The following RANBP17 variants were observed in gnomAD, a reference collection of about 807,000 sequenced individuals.
RANBP17 encodes RAN binding protein 17.
A neutral mutation model predicts 141.2 loss-of-function variants in RANBP17; 158 were observed. The observed-to-expected ratio is 1.12, with a 90% CI of 0.98 to 1.28. The LOEUF is 1.28. Ranked by LOEUF, RANBP17 falls within the 50% of genes most tolerant of loss-of-function variation. The probability of loss-of-function intolerance (pLI) is 0.00; values close to 1 mark genes in which losing one functional copy is unlikely to be tolerated. For missense variants in RANBP17, 1,438 were observed against 1,290.7 expected, an observed-to-expected ratio of 1.11 and a Z score of -1.75; for synonymous variants, 430 against 450.0, an observed-to-expected ratio of 0.96 and a Z score of 0.56.
intron 18 of RANBP17, among the ~76,000 whole-genome samples, chr5:171,185,249 C>T (rs1212298127): frequency 6.6e-6 from 1 of 152,104 alleles, no homozygotes; most frequent in Non-Finnish European, 1.5e-5. Context: ...AATCTTTTTC[C>T]TGGTGGAAGG....
At chr5:171,119,459 G>A (rs1755867193) in intron 14 of RANBP17, among the ~76,000 whole-genome samples, 1 of 152,106 alleles carries the variant, frequency 6.6e-6, no homozygotes, top group Non-Finnish European at 1.5e-5. Context: ...CTTCCTTAAA[G>A]ATTTGGTAGA....
chr5:171,080,457 G>C (rs922276043), intron 14 of RANBP17, among the ~76,000 whole-genome samples: 5 of 152,128 alleles, frequency 3.3e-5, no homozygotes, highest in African/African-American at 1.2e-4. Flanking sequence ...CTGACTTCTT[G>C]TTTGGATTTT....
intron 12 of RANBP17, among the ~76,000 whole-genome samples, chr5:170,933,093 G>A (rs1773540831): frequency 6.6e-6 from 1 of 152,256 alleles, no homozygotes; most frequent in South Asian, 2.1e-4. Flanking sequence ...TTCAGAACCT[G>A]TTATTGGTCT....
At chr5:170,955,580 G>GTA (rs1775582169) in intron 13 of RANBP17, among the ~76,000 whole-genome samples, 2 of 40,594 alleles carry the variant, frequency 4.9e-5, no homozygotes, top group African/African-American at 8.4e-5. Context: ...CTCAGTCTGT[G>GTA]TGTATATATA....
At chr5:170,942,085 G>T (rs1774367130) in intron 12 of RANBP17, among the ~76,000 whole-genome samples, 2 of 152,240 alleles carry the variant, frequency 1.3e-5, no homozygotes, top group South Asian at 2.1e-4. Context: ...TCATAGGAGC[G>T]TGAACCCTAT....
intron 14 of RANBP17, among the ~76,000 whole-genome samples, chr5:171,088,930 A>C (rs1581604001): frequency 6.6e-6 from 1 of 151,844 alleles, no homozygotes; most frequent in African/African-American, 2.4e-5. Context: ...AGCTCAGAGT[A>C]ATTTGATCGT....
At chr5:171,106,634 G>A (rs762262314) in intron 14 of RANBP17, among the ~76,000 whole-genome samples, 7 of 152,118 alleles carry the variant, frequency 4.6e-5, no homozygotes, top group Non-Finnish European at 8.8e-5. Context: ...TTTGGGCATC[G>A]ATTTGTCTTT....
intron 22 of RANBP17, among the ~76,000 whole-genome samples, chr5:171,234,977 G>A (rs919048832): frequency 3.9e-5 from 6 of 152,220 alleles, no homozygotes; most frequent in African/African-American, 1.4e-4. Context: ...TGTAAATATA[G>A]AGGAAGACTT....
intron 16 of RANBP17, among the ~76,000 whole-genome samples, chr5:171,180,988 G>A (rs967575407): frequency 3.9e-5 from 6 of 152,098 alleles, no homozygotes; most frequent in African/African-American, 1.4e-4. Flanking sequence ...TTTTAACTTC[G>A]CAATTTTAAG....
At chr5:171,158,765 C>T (rs1437970111) in intron 14 of RANBP17, among the ~76,000 whole-genome samples, 1 of 152,074 alleles carries the variant, frequency 6.6e-6, no homozygotes, top group African/African-American at 2.4e-5. Flanking sequence ...TGCCAGTTCT[C>T]ACCTGCCCTT....
At chr5:171,215,497 T>C (rs993858301) in intron 21 of RANBP17, among the ~76,000 whole-genome samples, 1 of 152,198 alleles carries the variant, frequency 6.6e-6, no homozygotes, top group Admixed American at 6.5e-5. Context: ...CCACAATGGT[T>C]GAACTAGTTT....
chr5:171,040,511 A>G (rs1296634947), intron 14 of RANBP17, among the ~76,000 whole-genome samples: 1 of 152,156 alleles, frequency 6.6e-6, no homozygotes, highest in African/African-American at 2.4e-5. Context: ...AAGTTTGTGA[A>G]GTCTTGTTCG....
chr5:170,895,224 A>G (rs919651591), intron 4 of RANBP17, among the ~76,000 whole-genome samples: 1 of 152,338 alleles, frequency 6.6e-6, no homozygotes, highest in African/African-American at 2.4e-5. Flanking sequence ...GAATTCTGTG[A>G]TAGTTAAAAG....
intron 25 of RANBP17, among the ~76,000 whole-genome samples, chr5:171,292,616 C>A (rs1306596123): frequency 6.6e-6 from 1 of 152,170 alleles, no homozygotes; most frequent in African/African-American, 2.4e-5. Flanking sequence ...ATTGCCGTTT[C>A]CCCTGCCCTC....
intron 14 of RANBP17, among the ~76,000 whole-genome samples, chr5:171,032,989 G>C (rs1781644335): frequency 6.6e-6 from 1 of 151,962 alleles, no homozygotes; most frequent in Non-Finnish European, 1.5e-5. Context: ...GTTATGCTCA[G>C]GTTATTGTTT....
intron 14 of RANBP17, among the ~76,000 whole-genome samples, chr5:171,124,841 G>A (rs1016505906): frequency 9.2e-5 from 14 of 152,160 alleles, no homozygotes; most frequent in Non-Finnish European, 1.8e-4. Context: ...CTAATAAAGT[G>A]GCAGGAGGAA....
At chr5:170,880,581 A>G (rs181195648) in intron 2 of RANBP17, among the ~76,000 whole-genome samples, 88 of 151,944 alleles carry the variant, frequency 5.8e-4, no homozygotes, top group African/African-American at 2.1e-3. Flanking sequence ...CCAATTTTCT[A>G]TTTTTTCTGA....
chr5:171,224,523 A>T (rs148896278), intron 22 of RANBP17, among the ~76,000 whole-genome samples: 1 of 152,206 alleles, frequency 6.6e-6, no homozygotes, highest in Non-Finnish European at 1.5e-5. Context: ...TGCCAAATCT[A>T]TGGGCTTCAA....
intron 13 of RANBP17, among the ~76,000 whole-genome samples, chr5:170,955,586 A>ATATATGCTCAGTCTGTG (rs1775591873): frequency 8.9e-5 from 4 of 44,872 alleles, no homozygotes; most frequent in South Asian, 9.3e-4. Flanking sequence ...CTGTGTGTAT[A>ATATATGCTCAGTCTGTG]TATATATATA....
Sources: gnomAD v4.1 joint callset for allele counts (sites outside exome capture counted in the v4.1 genomes callset) on GRCh38, gnomAD v4.1.1 for gene constraint, MANE v1.5 for transcripts, NCBI Gene and HGNC (gene_info 2026-07-23, HGNC 2026-07-21) for gene names.